The following DOCK3 variants were observed in gnomAD, a reference collection of about 807,000 sequenced individuals.
DOCK3 encodes dedicator of cytokinesis protein 3.
Under a neutral mutation model 265.6 loss-of-function variants are expected in DOCK3, and 60 were observed. The observed-to-expected ratio is 0.23, with a 90% CI of 0.18 to 0.28. The LOEUF is 0.28. DOCK3 is among the 10% of genes least tolerant of loss of function. DOCK3 has a pLI of 1.00. For synonymous variants in DOCK3, 881 were observed against 938.0 expected (o/e 0.94, Z 1.11); for missense variants, 1,981 against 2,594.3 (o/e 0.76, Z 5.14).
chr3:51,271,638 TC>T (rs1472454938), intron 24 of DOCK3, among the ~76,000 whole-genome samples: 1 of 152,008 alleles, frequency 6.6e-6, no homozygotes. Flanking sequence ...TCACTTGAGG[TC>T]AGGAGTTCAA....
intron 5 of DOCK3, among the ~76,000 whole-genome samples, chr3:50,975,911 T>C (rs1228890101): frequency 6.7e-6 from 1 of 150,324 alleles, no homozygotes; most frequent in Non-Finnish European, 1.5e-5. Flanking sequence ...TTCTTCTAGA[T>C]TTTCTAGTTT....
chr3:50,702,849 G>T (rs1011682973), intron 1 of DOCK3, among the ~76,000 whole-genome samples: 1 of 151,768 alleles, frequency 6.6e-6, no homozygotes, highest in Non-Finnish European at 1.5e-5. Flanking sequence ...TCTCTTGCCT[G>T]ATTGCTCTAG....
At chr3:51,291,158 C>T (rs746506701) in intron 27 of DOCK3, among the ~76,000 whole-genome samples, 38 of 152,124 alleles carry the variant, frequency 2.5e-4, no homozygotes, top group African/African-American at 4.8e-5. Context: ...AAAAGCAGCT[C>T]TGGGAGGGAA....
chr3:50,972,211 G>C (rs1459561175), intron 5 of DOCK3, among the ~76,000 whole-genome samples: 3 of 152,220 alleles, frequency 2.0e-5, no homozygotes, highest in Non-Finnish European at 4.4e-5. Flanking sequence ...TTTGTGCAAG[G>C]CTGGGCCTGA....
At chr3:50,827,239 C>G (rs2107029347) in intron 2 of DOCK3, among the ~76,000 whole-genome samples, 1 of 152,314 alleles carries the variant, frequency 6.6e-6, no homozygotes, top group African/African-American at 2.4e-5. Context: ...TATCTTAGTT[C>G]ATTTAGGCTG....
intron 5 of DOCK3, among the ~76,000 whole-genome samples, chr3:51,019,530 C>T (rs765878616): frequency 2.0e-5 from 3 of 151,794 alleles, no homozygotes; most frequent in African/African-American, 2.4e-5. Flanking sequence ...GTTACATAAA[C>T]GTGTGCTGTG....
chr3:51,330,008 C>G, intron 32 of DOCK3, 130 bp from the exon 33 acceptor site: 1 of 895,284 alleles, frequency 1.1e-6, no homozygotes, highest in Non-Finnish European at 1.7e-6. Context: ...ACTACCTTCC[C>G]TGGGATTTCT....
At chr3:51,351,029 T>G (rs1471119517) in intron 40 of DOCK3, among the ~76,000 whole-genome samples, 1 of 152,128 alleles carries the variant, frequency 6.6e-6, no homozygotes, top group African/African-American at 2.4e-5. Flanking sequence ...AACTGGAATA[T>G]AAAAAGAGTG....
intron 2 of DOCK3, among the ~76,000 whole-genome samples, chr3:50,826,433 A>G (rs2044760875): frequency 6.6e-6 from 1 of 152,136 alleles, no homozygotes; most frequent in Non-Finnish European, 1.5e-5. Context: ...CTGTGCAGTG[A>G]ACCATAAGGT....
chr3:50,819,473 G>A (rs776984449), intron 2 of DOCK3, among the ~76,000 whole-genome samples: 1 of 152,118 alleles, frequency 6.6e-6, no homozygotes, highest in Non-Finnish European at 1.5e-5. Flanking sequence ...CCTTAGATTA[G>A]CCAAAGTTTT....
chr3:50,957,523 T>C (rs148243031), intron 5 of DOCK3, among the ~76,000 whole-genome samples: 3 of 152,356 alleles, frequency 2.0e-5, no homozygotes, highest in Admixed American at 1.3e-4. Context: ...TTCCACTGGA[T>C]GTTACTACCG....
chr3:50,838,512 C>T (rs116139787), intron 2 of DOCK3, among the ~76,000 whole-genome samples: 50 of 152,246 alleles, frequency 3.3e-4, no homozygotes, highest in Non-Finnish European at 6.5e-4. Flanking sequence ...CATATGATGA[C>T]ATTGAAATTG....
chr3:50,998,480 T>A (rs2078359409), intron 5 of DOCK3, among the ~76,000 whole-genome samples: 1 of 152,148 alleles, frequency 6.6e-6, no homozygotes, highest in Non-Finnish European at 1.5e-5. Context: ...TTGATACAAT[T>A]TCTGGAAAGG....
chr3:51,237,417 G>A, intron 20 of DOCK3, 73 bp from the exon 21 acceptor site: 1 of 1,263,538 alleles, frequency 7.9e-7, no homozygotes, highest in Non-Finnish European at 1.1e-6. Context: ...GGAGAAGGAA[G>A]ACTCTGTTTC....
chr3:51,114,521 T>C (rs1340768878), intron 9 of DOCK3, among the ~76,000 whole-genome samples: 2 of 152,200 alleles, frequency 1.3e-5, no homozygotes, highest in African/African-American at 4.8e-5. Flanking sequence ...AGTAGAAACT[T>C]AACCAAAGTT....
intron 2 of DOCK3, chr3:50,788,233 G>T: frequency 1.4e-6 from 1 of 724,748 alleles, no homozygotes; most frequent in African/African-American, 1.8e-5. Flanking sequence ...TCCTGCTACA[G>T]GCACAGCACA....
At position 50,934,059 on chromosome 3, in the gene DOCK3, G is replaced by C. The variant is rs753020494; in HGVS notation, c.297G>C (p.Leu99Phe). 6.2e-7 allele frequency: 1 copy of C among 1,610,148 alleles called. No individual in the cohort carries two copies. ...VTATLQEWAS[L>F]WKQLYVKHKV... ...CAACTCTACAAGAATGGGCAAGTTT[G>C]TGGAAACAGTTGTATGTGGTAAGTA... Residue 99 changes from leucine to phenylalanine, a missense_variant, in exon 5 of 53, where the codon TTG becomes TTC. Leu to Phe is a conservative substitution (Grantham distance 22). Coordinates refer to ENST00000266037, the MANE Select transcript of DOCK3 (RefSeq NM_004947.5).
intron 9 of DOCK3, among the ~76,000 whole-genome samples, chr3:51,126,293 C>T (rs1342293208): frequency 6.6e-6 from 1 of 152,144 alleles, no homozygotes; most frequent in Non-Finnish European, 1.5e-5. Context: ...TTTTTCTACA[C>T]CAGGCAAAAG....
At chr3:51,180,207 C>A (rs1488892478) in intron 12 of DOCK3, among the ~76,000 whole-genome samples, 603 of 111,136 alleles carry the variant, frequency 5.4e-3, no homozygotes, top group Middle Eastern at 0.014. Flanking sequence ...GACCCTGTCT[C>A]AAAAAAAAAA....
Sources: allele counts gnomAD v4.1 joint callset (sites outside exome capture counted in the v4.1 genomes callset), GRCh38; gene constraint gnomAD v4.1.1; transcripts MANE v1.5; gene names NCBI Gene and HGNC (gene_info 2026-07-23, HGNC 2026-07-21).